The following NAV1 variants were observed in gnomAD, a reference collection of about 807,000 sequenced individuals.
NAV1 encodes neuron navigator 1.
Under a neutral mutation model 175.2 loss-of-function variants are expected in NAV1, and 18 were observed. The ratio of observed to expected loss-of-function variants is 0.10; its 90% CI spans 0.07 to 0.15. NAV1 has a LOEUF of 0.15. NAV1 is among the 10% of genes least tolerant of loss of function. The pLI is 1.00. For missense variants in NAV1, 1,731 were observed against 2,436.6 expected (o/e 0.71, Z 6.10); for synonymous variants, 897 against 978.7 (o/e 0.92, Z 1.56).
intron 3 of NAV1, among the ~76,000 whole-genome samples, chr1:201,763,093 A>G (rs1448867560): frequency 6.6e-6 from 1 of 152,190 alleles, no homozygotes; most frequent in Non-Finnish European, 1.5e-5. Flanking sequence ...CACTCACATC[A>G]ATTGACACCT....
intron 3 of NAV1, among the ~76,000 whole-genome samples, chr1:201,727,271 GA>G (rs1405907880): frequency 6.6e-6 from 1 of 151,948 alleles, no homozygotes; most frequent in African/African-American, 2.4e-5. Flanking sequence ...TACATTCTTT[GA>G]CAAAGAATGT....
At chr1:201,709,612 G>A (rs552237394) in intron 1 of NAV1, among the ~76,000 whole-genome samples, 1 of 152,280 alleles carries the variant, frequency 6.6e-6, no homozygotes, top group African/African-American at 2.4e-5. Context: ...GACCCACCCT[G>A]GGCTGAGCCT....
intron 4 of NAV1, 65 bp downstream of exon 8, chr1:201,780,624 C>A: frequency 6.2e-7 from 1 of 1,603,042 alleles, no homozygotes; most frequent in Non-Finnish European, 8.5e-7. Flanking sequence ...ATGGCATTAT[C>A]TGTGTATGGG....
intron 2 of NAV1, among the ~76,000 whole-genome samples, chr1:201,604,793 A>G (rs1001187708): frequency 5.0e-4 from 75 of 151,332 alleles, no homozygotes; most frequent in African/African-American, 1.7e-3. Context: ...AAAGAAGGAA[A>G]GAAGGAAGGA....
Position 201,781,312 on chromosome 1 carries a change from G to A in NAV1, c.1663+3G>A, listed in dbSNP as rs1558156406. 1 of 1,603,454 alleles carries A rather than the reference G, an allele frequency of 6.2e-7. No homozygotes were observed. The highest frequency in any genetic ancestry group is 1.1e-5 in the South Asian group (1 of 89,472). ...CCAGAGTGCCCTCAAAGTCGCAGGT[G>A]AGCCTGGAATAAAGGAAGGTACAAG... is the stretch of plus-strand genomic sequence containing the variant. On this transcript the variant is annotated splice_donor_region_variant and intron_variant, in intron 5 of 29. Coordinates refer to ENST00000367296, the Ensembl canonical transcript of NAV1.
chr1:201,697,150 G>T (rs1421629879), intron 1 of NAV1, among the ~76,000 whole-genome samples: 2 of 152,104 alleles, frequency 1.3e-5, no homozygotes, highest in Non-Finnish European at 2.9e-5. Context: ...GGAGTTCCGG[G>T]GCCTTAGTCT....
intron 1 of NAV1, among the ~76,000 whole-genome samples, chr1:201,695,926 CG>C (rs1324944222): frequency 6.6e-6 from 1 of 152,248 alleles, no homozygotes; most frequent in Non-Finnish European, 1.5e-5. Context: ...CTTTCCTCTT[CG>C]TATCCCTGCC....
At chr1:201,804,138 G>A (rs1678127260) in intron 16 of NAV1, 1 of 458,554 alleles carries the variant, frequency 2.2e-6, no homozygotes, top group South Asian at 2.1e-5. Context: ...GGGATGTTTT[G>A]TGGAGCTTTC....
At chr1:201,730,654 A>G (rs1416913745) in intron 3 of NAV1, among the ~76,000 whole-genome samples, 2 of 152,236 alleles carry the variant, frequency 1.3e-5, no homozygotes, top group Non-Finnish European at 1.5e-5. Context: ...ATGCCCTTAC[A>G]TGACCTCTCC....
chr1:201,695,474 G>C lies in NAV1; in HGVS notation c.758-17343G>C, dbSNP rs57876118. Among the ~76,000 whole-genome samples, 176 of 152,338 alleles carry C rather than the reference G, an allele frequency of 1.2e-3. 1 individual carries two copies. The East Asian group carries it at 0.026, about 23-fold the overall frequency. Reference sequence around the variant, plus strand: ...ACATTTGACCAGCCAGGGGGAAAAGGGGGTATGGGGAAGGCACTGGGGCTC... The same window carrying C: ...ACATTTGACCAGCCAGGGGGAAAAGCGGGTATGGGGAAGGCACTGGGGCTC... On this transcript the variant is annotated intron_variant, in intron 1 of 29. Coordinates refer to ENST00000367296, the Ensembl canonical transcript of NAV1.
At chr1:201,657,686 C>A (rs1030331891) in intron 1 of NAV1, among the ~76,000 whole-genome samples, 2 of 152,132 alleles carry the variant, frequency 1.3e-5, no homozygotes, top group Non-Finnish European at 2.9e-5. Flanking sequence ...TTAATACTCA[C>A]AATAATTCTA....
intron 3 of NAV1, among the ~76,000 whole-genome samples, chr1:201,776,300 A>C (rs1361313802): frequency 7.5e-6 from 1 of 132,752 alleles, no homozygotes; most frequent in Non-Finnish European, 1.6e-5. Context: ...ATCACTTGAG[A>C]CCAGCCTGGG....
rs746899888 is a variant in NAV1, at chr1:201,810,925, G to A, written c.4797+167G>A. Among the ~76,000 whole-genome samples, 2 of 151,502 alleles carry A rather than the reference G, an allele frequency of 1.3e-5. No homozygotes were observed. The highest frequency in any genetic ancestry group is 1.3e-4 in the Admixed American group (2 of 15,210). ...CCCTCTCTATCTATCCCCTTTTCCA[G>A]TCTTCTCCTTTCCCTCCCCACGATT... On this transcript the variant is annotated intron_variant, in intron 24 of 29. Coordinates refer to ENST00000367296, the Ensembl canonical transcript of NAV1. The surrounding 1 kb of genome is among the most constrained non-coding windows in gnomAD (Gnocchi z 6.0).
chr1:201,713,024 C>G (rs924281097), intron 2 of NAV1, 105 bp downstream of exon 6: 3 of 767,882 alleles, frequency 3.9e-6, no homozygotes, highest in African/African-American at 3.4e-5. Flanking sequence ...GCCAGGTCAG[C>G]CAGGTGGCCT....
chr1:201,772,489 A>G (rs540955254), intron 3 of NAV1, among the ~76,000 whole-genome samples: 72 of 152,204 alleles, frequency 4.7e-4, no homozygotes, highest in Non-Finnish European at 8.7e-4. Flanking sequence ...AGGAAGTAGG[A>G]GTGGGATGGG....
In NAV1 at chr1:201,782,830, C is replaced by T. The variant is rs1163605446; in HGVS notation, c.2318C>T (p.Thr773Ile). Reference sequence around the variant, plus strand: ...CCCAAGAACCAAGCAAGCCACCCCACAGCCACCAAGCTGGCAGAGCTGCCA... The same window carrying T: ...CCCAAGAACCAAGCAAGCCACCCCATAGCCACCAAGCTGGCAGAGCTGCCA... The change falls in exon 6 of 30, where the codon ACA (threonine) becomes ATA (isoleucine). Residue 773 changes from threonine to isoleucine, a missense_variant. Thr to Ile is a moderately conservative substitution (Grantham distance 89). Around this residue, in one of 13 missense-constraint regions of NAV1, gnomAD observed 634 missense variants for 766.8 expected, o/e 0.83. Transcript: ENST00000367296. The surrounding 1 kb of genome is among the most constrained non-coding windows in gnomAD (Gnocchi z 5.4). 1 of 1,598,932 alleles carries T rather than the reference C, an allele frequency of 6.3e-7. No homozygotes were observed. Among genetic ancestry groups the T allele is most frequent in the Non-Finnish European group, 8.5e-7 (1 of 1,170,600 alleles).
intron 2 of NAV1, among the ~76,000 whole-genome samples, chr1:201,716,610 G>A (rs188300008): frequency 1.7e-3 from 259 of 152,360 alleles, no homozygotes; most frequent in African/African-American, 6.0e-3. Context: ...AGGGTGCAGT[G>A]GCTCACGCCA....
At chr1:201,659,550 G>A (rs1397638100) in intron 1 of NAV1, among the ~76,000 whole-genome samples, 1 of 152,220 alleles carries the variant, frequency 6.6e-6, no homozygotes, top group Non-Finnish European at 1.5e-5. Flanking sequence ...AGCCTAGGAA[G>A]TTGAAACTGC....
intron 8 of NAV1, 90 bp downstream of exon 12, chr1:201,785,441 A>G: frequency 1.5e-6 from 2 of 1,354,260 alleles, no homozygotes; most frequent in Non-Finnish European, 2.1e-6. Context: ...GGCTCCAGTC[A>G]TGAATTTAGT....
Sources: gnomAD v4.1 joint callset for allele counts (sites outside exome capture counted in the v4.1 genomes callset) on GRCh38, gnomAD v4.1.1 for gene constraint, gnomAD v4.1.1 regional missense constraint, Gnocchi (gnomAD v3.1) non-coding constraint, MANE v1.5 for transcripts, NCBI Gene and HGNC (gene_info 2026-07-23, HGNC 2026-07-21) for gene names.